SUN2: variants seen among roughly 807,000 people sequenced by gnomAD.
SUN2 encodes Sad1 and UNC84 domain containing 2, also known as SUN domain-containing protein 2.
Under a neutral mutation model 100.0 loss-of-function variants are expected in SUN2, and 60 were observed. The ratio of observed to expected loss-of-function variants is 0.60; its 90% CI spans 0.49 to 0.74. SUN2 has a LOEUF of 0.74. Among genes scored for constraint, SUN2 ranks in the 30% least tolerant of loss-of-function variants. The pLI is 0.00. For missense variants in SUN2, 834 were observed against 954.6 expected, an observed-to-expected ratio of 0.87 and a Z score of 1.66; for synonymous variants, 367 against 403.3, an observed-to-expected ratio of 0.91 and a Z score of 1.08.
chr22:38,754,614 C>G, intron 1 of SUN2: 1 of 788,872 alleles, frequency 1.3e-6, no homozygotes, highest in Non-Finnish European at 1.9e-6. Context: ...CCCCTCCCCC[C>G]TCCCTGCCCC....
At position 38,736,188 on chromosome 22, in the gene SUN2, C is replaced by A; in HGVS notation, c.*79G>T. 1 of 1,361,114 alleles carries A rather than the reference C, an allele frequency of 7.3e-7. No individual in the cohort carries two copies. Among genetic ancestry groups the A allele is most frequent in the South Asian group, 1.2e-5 (1 of 83,958 alleles). 84.3% of individuals were successfully genotyped at this position (1,361,114 alleles called of 1,614,324 possible). A position where few individuals can be genotyped will look rare whatever the true frequency, so the allele number is the denominator to read the frequency against. On this transcript the variant is annotated 3_prime_UTR_variant, in exon 18 of 18. Transcript: ENST00000689035. ...CTTGTGCTCCTAGAAGTCAGAGCGC[C>A]GAGCAAGCGTGTGGGGGAAGCGGCG...
Position 38,752,671 on chromosome 22 carries a change from G to A in SUN2, c.-37-6C>T, listed in dbSNP as rs1420084161. On this transcript the variant is annotated splice_polypyrimidine_tract_variant and splice_region_variant and intron_variant, in intron 1 of 17. Coordinates refer to ENST00000689035, the MANE Select transcript of SUN2 (RefSeq NM_015374.3). ...ACTCTTCCCCTGAAGAGAATCTAAG[G>A]AGAGAGAGGAGGAGGACTGGATGTG... 1 of 1,606,234 alleles carries A rather than the reference G, an allele frequency of 6.2e-7. No homozygotes were observed. Among genetic ancestry groups the A allele is most frequent in the Non-Finnish European group, 8.5e-7 (1 of 1,177,368 alleles).
chr22:38,739,878 C>T lies in SUN2; in HGVS notation c.1422G>A (p.Gly474=). 3.1e-6 allele frequency: 5 copies of T among 1,613,264 alleles called. No homozygotes were observed. In the African/African-American group the frequency reaches 5.3e-5, roughly 17 times the overall value. ...FLARGGGGRV[G]LLQREEMQAQ... ...CTTGCATCTCCTCTCTCTGAAGGAGCCCCACGCGGCCCCCTCCACCTCGGG... is the reference window on the plus strand; with the variant it reads ...CTTGCATCTCCTCTCTCTGAAGGAGTCCCACGCGGCCCCCTCCACCTCGGG... Residue 474 remains glycine (G), a synonymous_variant, in exon 13 of 18, where the codon GGG becomes GGA. Coordinates refer to ENST00000689035, the MANE Select transcript of SUN2 (RefSeq NM_015374.3). This position sits in a 1 kb window ranked among gnomAD's most constrained non-coding sequence, Gnocchi z 6.7.
rs375420471 is a variant in SUN2 at position 38,736,373 on chromosome 22, G to A, written c.2048C>T (p.Thr683Met). 25 of 1,612,954 alleles carry A rather than the reference G, an allele frequency of 1.5e-5. No homozygotes were observed. The highest frequency in any genetic ancestry group is 7.7e-5 in the South Asian group (7 of 90,986). Residue 683 changes from threonine (T) to methionine (M), a missense_variant, in exon 18 of 18, where the codon ACG becomes ATG. This residue lies in a region of SUN2 where 80 missense variants were observed against 76.7 expected (regional missense o/e 1.04). Transcript: ENST00000689035. ...PIQTFHFQAPTMATYQVVELR... is the reference protein window; with the variant it reads ...PIQTFHFQAPMMATYQVVELR... ...CTCCACCACCTGGTACGTGGCCATC[G>A]TAGGGGCCTGGGTAGAGAAGAAAGG...
At chr22:38,749,723 C>A (rs773786217) in intron 6 of SUN2, 43 bp downstream of exon 6, 10 of 1,581,518 alleles carry the variant, frequency 6.3e-6, no homozygotes, top group Non-Finnish European at 8.7e-6. Context: ...TCCCTTCACC[C>A]CAGGGCCTTG....
chr22:38,743,303 C>T (rs2092875211), intron 8 of SUN2, among the ~76,000 whole-genome samples: 1 of 152,224 alleles, frequency 6.6e-6, no homozygotes, highest in South Asian at 2.1e-4. Flanking sequence ...AGCACACAAA[C>T]AGGCGGGACG....
At position 38,739,844 on chromosome 22, in the gene SUN2, G is replaced by C. The variant is rs770475003; in HGVS notation, c.1456C>G (p.Arg486Gly). 3.7e-6 allele frequency: 6 copies of C among 1,613,538 alleles called. No homozygotes were observed. Among genetic ancestry groups the C allele is most frequent in the Non-Finnish European group, 5.1e-6 (6 of 1,180,028 alleles). Residue 486 changes from arginine to glycine, a missense_variant, in exon 13 of 18, where the codon CGA (arginine) becomes GGA (glycine). Transcript: ENST00000689035. This position sits in a 1 kb window ranked among gnomAD's most constrained non-coding sequence, Gnocchi z 6.7. ...GTGAGGATCTTGCTCTCCAGCTCTC[G>C]CAGCTGAGCTTGCATCTCCTCTCTC... is the stretch of plus-strand genomic sequence containing the variant. ...LQREEMQAQL[R>G]ELESKILTHV...
rs1479624128 is a variant in SUN2 at position 38,740,306 on chromosome 22, C to T, written c.1317G>A (p.Val439=). The T allele has an allele frequency of 1.9e-6, 3 of 1,604,138 alleles. No homozygotes were observed. The highest frequency in any genetic ancestry group is 4.5e-5 in the East Asian group (2 of 44,536). The change falls in exon 12 of 18, where the codon GTG becomes GTA. Residue 439 remains valine, a synonymous_variant. Transcript: ENST00000689035. The surrounding 1 kb of genome is among the most constrained non-coding windows in gnomAD (Gnocchi z 4.8). ...ALKQSSVAEE[V]GLLPQQIQAV... ...CCTGGATCTGCTGGGGCAGCAGGCC[C>T]ACTTCTTCCGCCACCGAGCTCTGCT...
intron 1 of SUN2, chr22:38,754,603 T>TGGGGGGGGGGGGGG (rs2092971171): frequency 5.6e-6 from 5 of 889,148 alleles, no homozygotes; most frequent in African/African-American, 1.7e-5. Flanking sequence ...TAAGGTAATC[T>TGGGGGGGGGGGGGG]CCCCTCCCCC....
intron 9 of SUN2, 130 bp downstream of exon 9, chr22:38,742,171 G>T: frequency 3.4e-6 from 4 of 1,168,634 alleles, no homozygotes; most frequent in Non-Finnish European, 4.7e-6. Context: ...GAAAAAAAGA[G>T]AAAGGGAGTA....
At position 38,737,930 on chromosome 22, in the gene SUN2, C is replaced by T; in HGVS notation, c.2040+243G>A. 1.5e-6 allele frequency: 1 copy of T among 680,108 alleles called. No homozygotes were observed. Among genetic ancestry groups the T allele is most frequent in the Non-Finnish European group, 2.8e-6 (1 of 361,730 alleles). The allele number at this position is 680,108 out of a possible 1,614,324, so 42.1% of individuals were successfully genotyped here. Reference sequence around the variant, plus strand: ...CCCAACCCCTCTTGTGTAAAGCCCACCTCCTGGTGTCCTTTTCCAGGAAGC... The same window carrying T: ...CCCAACCCCTCTTGTGTAAAGCCCATCTCCTGGTGTCCTTTTCCAGGAAGC... On this transcript the variant is annotated intron_variant, in intron 17 of 17. Transcript: ENST00000689035. The surrounding 1 kb of genome is among the most constrained non-coding windows in gnomAD (Gnocchi z 4.1).
intron 8 of SUN2, chr22:38,743,043 T>C (rs1478937652): frequency 3.9e-5 from 6 of 154,022 alleles, no homozygotes; most frequent in African/African-American, 1.4e-4. Flanking sequence ...CAGAATAATT[T>C]GAAAATACGT....
In SUN2 at chr22:38,738,122, G is replaced by T; in HGVS notation, c.2040+51C>A. On this transcript the variant is annotated intron_variant, in intron 17 of 17. Coordinates refer to ENST00000689035, the MANE Select transcript of SUN2 (RefSeq NM_015374.3). This position sits in a 1 kb window ranked among gnomAD's most constrained non-coding sequence, Gnocchi z 6.6. ...GGTAAGTGCCCAGGGAGCACCTGCT[G>T]CCTGGATGGGGAGTCTGCGCCACTT... is the stretch of plus-strand genomic sequence containing the variant. The T allele has an allele frequency of 1.3e-6, 2 of 1,529,944 alleles. No homozygotes were observed. The highest frequency in any genetic ancestry group is 1.8e-6 in the Non-Finnish European group (2 of 1,103,612). The allele number at this position is 1,529,944 out of a possible 1,614,324, so 94.8% of individuals were successfully genotyped here. A position where few individuals can be genotyped will look rare whatever the true frequency, so the allele number is the denominator to read the frequency against.
intron 8 of SUN2, 116 bp from the exon 9 acceptor site, chr22:38,742,671 C>T: frequency 7.3e-7 from 1 of 1,365,888 alleles, no homozygotes; most frequent in East Asian, 2.4e-5. Flanking sequence ...AGAGACGTTC[C>T]AGCATAAGGC....
rs749535489 is a variant in SUN2, at chr22:38,742,379, C to T, written c.990G>A (p.Ala330=). 2.8e-5 allele frequency: 45 copies of T among 1,613,224 alleles called. No individual in the cohort carries two copies. The Middle Eastern group carries it at 1.3e-3, about 47-fold the overall frequency. The change falls in exon 9 of 18, where the codon GCG becomes GCA. Residue 330 remains alanine (A), a synonymous_variant. Transcript: ENST00000689035. ...GGGLSHEDTL[A]LLEGLVSRRE... ...GGCGGCTCACTAGCCCCTCCAGCAG[C>T]GCCAGGGTGTCCTCGTGGCTCAGGC...
rs144975270 is a variant in SUN2, at chr22:38,739,758, C to T, written c.1542G>A (p.Thr514=). ...CTCCAATCACACCTTCTTTCTGCAGCGTCAGGCTCAGGGAGGCCGCGGCTT... is the reference window on the plus strand; with the variant it reads ...CTCCAATCACACCTTCTTTCTGCAGTGTCAGGCTCAGGGAGGCCGCGGCTT... ...AREAAASLSL[T]LQKEGVIGVT... The change falls in exon 13 of 18, where the codon ACG becomes ACA. Residue 514 remains threonine (T), a synonymous_variant. Transcript: ENST00000689035. The surrounding 1 kb of genome is among the most constrained non-coding windows in gnomAD (Gnocchi z 6.7). The T allele has an allele frequency of 1.1e-4, 181 of 1,613,688 alleles. 1 individual carries two copies. In the African/African-American group the frequency reaches 1.7e-3, roughly 15 times the overall value.
chr22:38,742,752 A>C (rs183502531), intron 8 of SUN2, 197 bp from the exon 9 acceptor site: 2 of 640,028 alleles, frequency 3.1e-6, no homozygotes, highest in Admixed American at 6.4e-5. Context: ...GGAGCCAGGG[A>C]TCACTGGGTG....
rs940303472 is a variant in SUN2 at position 38,755,232 on chromosome 22, C to G, written c.-38+531G>C. ...GCCCTTGTGGGACCTGCCAAACGCC[C>G]GGTGCTAACTCCCTCTGCCCTCATT... On this transcript the variant is annotated intron_variant, in intron 1 of 17. Coordinates refer to ENST00000689035, the MANE Select transcript of SUN2 (RefSeq NM_015374.3). The surrounding 1 kb of genome is among the most constrained non-coding windows in gnomAD (Gnocchi z 5.7). 39 of 1,182,192 alleles carry G rather than the reference C, an allele frequency of 3.3e-5. No individual in the cohort carries two copies. The African/African-American group carries it at 6.2e-4, about 19-fold the overall frequency. The allele number at this position is 1,182,192 out of a possible 1,614,324, so 73.2% of individuals were successfully genotyped here.
chr22:38,745,204 G>A (rs997771316), intron 8 of SUN2: 36 of 470,918 alleles, frequency 7.6e-5, no homozygotes, highest in Admixed American at 6.6e-4. Flanking sequence ...TGCACATGGA[G>A]TACAGCTGTC....
Sources: gnomAD v4.1 joint callset for allele counts (sites outside exome capture counted in the v4.1 genomes callset) on GRCh38, gnomAD v4.1.1 for gene constraint, gnomAD v4.1.1 regional missense constraint, Gnocchi (gnomAD v3.1) non-coding constraint, MANE v1.5 for transcripts, NCBI Gene and HGNC (gene_info 2026-07-23, HGNC 2026-07-21) for gene names.